Variants in LRRTM4 observed in about 807,000 individuals in gnomAD.
The protein encoded by LRRTM4 is leucine-rich repeat transmembrane neuronal protein 4.
LRRTM4 carries 25 observed loss-of-function variants against 47.6 expected under a neutral mutation model. That is an observed-to-expected ratio of 0.53 (90% CI 0.38 to 0.73). The LOEUF is 0.73. Ranked by LOEUF, LRRTM4 falls within the 30% of genes least tolerant of loss-of-function variation. The pLI is 0.00. For synonymous variants in LRRTM4, 311 were observed against 269.5 expected, an observed-to-expected ratio of 1.15 and a Z score of -1.51; for missense variants, 638 against 713.4, an observed-to-expected ratio of 0.89 and a Z score of 1.20.
At chr2:77,507,469 T>G (rs1487375205) in intron 3 of LRRTM4, among the ~76,000 whole-genome samples, 1 of 152,074 alleles carries the variant, frequency 6.6e-6, no homozygotes, top group Non-Finnish European at 1.5e-5. Flanking sequence ...GAATGCTGAT[T>G]TTAAATCATC....
At chr2:77,075,748 T>G (rs1680312180) in intron 3 of LRRTM4, among the ~76,000 whole-genome samples, 1 of 150,162 alleles carries the variant, frequency 6.7e-6, no homozygotes, top group Admixed American at 6.6e-5. Context: ...ACCCCGTCTC[T>G]ACTAAAAATA....
intron 3 of LRRTM4, among the ~76,000 whole-genome samples, chr2:76,992,688 G>A (rs973143283): frequency 6.6e-6 from 1 of 151,502 alleles, no homozygotes; most frequent in African/African-American, 2.4e-5. Flanking sequence ...TCATTAAGAT[G>A]GCTATACTGC....
intron 3 of LRRTM4, among the ~76,000 whole-genome samples, chr2:76,821,185 T>C (rs1279222563): frequency 6.6e-6 from 1 of 151,670 alleles, no homozygotes; most frequent in Non-Finnish European, 1.5e-5. Context: ...GCATATAATG[T>C]GTGATATAGC....
intron 3 of LRRTM4, among the ~76,000 whole-genome samples, chr2:77,485,692 C>G (rs948166591): frequency 1.3e-5 from 2 of 152,156 alleles, no homozygotes; most frequent in African/African-American, 2.4e-5. Context: ...TGAAGATTGG[C>G]AGCTTCTCTC....
intron 3 of LRRTM4, among the ~76,000 whole-genome samples, chr2:77,393,841 A>G (rs569313099): frequency 6.6e-6 from 1 of 152,138 alleles, no homozygotes; most frequent in African/African-American, 2.4e-5. Flanking sequence ...ATTGGAGATT[A>G]GTGTATTTCT....
intron 3 of LRRTM4, among the ~76,000 whole-genome samples, chr2:77,081,711 G>T (rs72927330): frequency 1.3e-5 from 2 of 152,052 alleles, no homozygotes; most frequent in African/African-American, 4.8e-5. Flanking sequence ...ACGTATTCTG[G>T]ATAGGCTTTT....
At chr2:76,807,423 T>TACAC (rs1553412607) in intron 3 of LRRTM4, among the ~76,000 whole-genome samples, 138 of 87,658 alleles carry the variant, frequency 1.6e-3, no homozygotes, top group African/African-American at 2.7e-3. Context: ...TATATATATA[T>TACAC]ACATATATAT....
intron 3 of LRRTM4, among the ~76,000 whole-genome samples, chr2:77,105,031 G>A (rs1338814953): frequency 1.3e-5 from 2 of 150,094 alleles, no homozygotes; most frequent in African/African-American, 2.5e-5. Context: ...ATTCTTCAAT[G>A]AGCTAACTAA....
intron 3 of LRRTM4, among the ~76,000 whole-genome samples, chr2:77,243,042 T>TA (rs1158671889): frequency 1.3e-5 from 2 of 152,118 alleles, no homozygotes; most frequent in African/African-American, 4.8e-5. Context: ...CATTCAATAT[T>TA]AAAAAAATTC....
chr2:76,884,900 A>G (rs919554743), intron 3 of LRRTM4, among the ~76,000 whole-genome samples: 2 of 152,280 alleles, frequency 1.3e-5, no homozygotes, highest in African/African-American at 2.4e-5. Flanking sequence ...TTGTACATAT[A>G]TAAGATGTAA....
At chr2:77,316,976 C>T (rs1339276958) in intron 3 of LRRTM4, among the ~76,000 whole-genome samples, 1 of 151,996 alleles carries the variant, frequency 6.6e-6, no homozygotes, top group Non-Finnish European at 1.5e-5. Flanking sequence ...TAAGTTTTTC[C>T]TAACTATATT....
chr2:76,917,267 G>A (rs187493132), intron 3 of LRRTM4, among the ~76,000 whole-genome samples: 1 of 152,278 alleles, frequency 6.6e-6, no homozygotes, highest in African/African-American at 2.4e-5. Context: ...GGCCTGTGGA[G>A]TGTAGCTTCA....
chr2:77,099,081 T>A (rs1220312459), intron 3 of LRRTM4, among the ~76,000 whole-genome samples: 1 of 151,924 alleles, frequency 6.6e-6, no homozygotes, highest in Non-Finnish European at 1.5e-5. Flanking sequence ...TAGTAATACA[T>A]AAACTCCTAG....
At chr2:76,999,586 G>A (rs903002281) in intron 3 of LRRTM4, among the ~76,000 whole-genome samples, 11 of 152,014 alleles carry the variant, frequency 7.2e-5, no homozygotes, top group African/African-American at 2.7e-4. Flanking sequence ...AATCATGACA[G>A]GAATAGAAGG....
intron 3 of LRRTM4, among the ~76,000 whole-genome samples, chr2:77,065,037 T>C (rs1300755721): frequency 2.0e-5 from 3 of 152,282 alleles, no homozygotes; most frequent in South Asian, 4.1e-4. Context: ...TCATTTAACA[T>C]ATCGATTCAA....
intron 3 of LRRTM4, among the ~76,000 whole-genome samples, chr2:77,090,249 A>G (rs1475498396): frequency 6.6e-6 from 1 of 152,160 alleles, no homozygotes; most frequent in Admixed American, 6.5e-5. Flanking sequence ...GTCAAGGTTA[A>G]TGCTCCTTTT....
At chr2:76,992,249 C>T (rs1677035085) in intron 3 of LRRTM4, among the ~76,000 whole-genome samples, 2 of 151,760 alleles carry the variant, frequency 1.3e-5, no homozygotes, top group Non-Finnish European at 2.9e-5. Context: ...CCACTTTCAC[C>T]ACTCCTATTC....
chr2:76,814,192 C>A (rs1670830351), intron 3 of LRRTM4, among the ~76,000 whole-genome samples: 1 of 151,842 alleles, frequency 6.6e-6, no homozygotes, highest in Non-Finnish European at 1.5e-5. Context: ...TTTATTATTT[C>A]AATTTGTTTA....
intron 3 of LRRTM4, among the ~76,000 whole-genome samples, chr2:76,783,632 G>A (rs1457090367): frequency 6.6e-6 from 1 of 152,012 alleles, no homozygotes; most frequent in Non-Finnish European, 1.5e-5. Flanking sequence ...AACTAAACAA[G>A]GAAATTAATT....
Sources: gnomAD v4.1 joint callset for allele counts (sites outside exome capture counted in the v4.1 genomes callset) on GRCh38, gnomAD v4.1.1 for gene constraint, MANE v1.5 for transcripts, NCBI Gene and HGNC (gene_info 2026-07-23, HGNC 2026-07-21) for gene names.